The following SNRNP25 variants were observed in gnomAD, a reference collection of about 807,000 sequenced individuals.
The protein encoded by SNRNP25 is U11/U12 small nuclear ribonucleoprotein 25 kDa protein.
SNRNP25 carries 21 observed loss-of-function variants against 23.9 expected under a neutral mutation model. The observed-to-expected ratio is 0.88, with a 90% CI of 0.62 to 1.27. The LOEUF is 1.27. SNRNP25 is among the 50% of genes most tolerant of loss of function. The pLI is 0.00. For synonymous variants in SNRNP25, 63 were observed against 60.4 expected, an observed-to-expected ratio of 1.04 and a Z score of -0.20; for missense variants, 160 against 156.9, an observed-to-expected ratio of 1.02 and a Z score of -0.11.
intron 1 of SNRNP25, chr16:55,246 C>A (rs1033760977): frequency 2.0e-6 from 1 of 507,014 alleles, no homozygotes; most frequent in Non-Finnish European, 3.6e-6. Flanking sequence ...CTCTTTCCCC[C>A]AGAGACTCTG....
chr16:56,918 G>A (rs975477758), intron 4 of SNRNP25, among the ~76,000 whole-genome samples, 168 bp from the exon 5 acceptor site: 6 of 148,488 alleles, frequency 4.0e-5, no homozygotes, highest in Non-Finnish European at 5.9e-5. Context: ...CTTGTGAGTC[G>A]GAGTGCTTCT....
Position 57,205 on chromosome 16 carries a change from G to T in SNRNP25, c.*62G>T. On this transcript the variant is annotated 3_prime_UTR_variant, in exon 5 of 5. Transcript: ENST00000293861. ...CTGAGCTTTTTCCCAGCAGGAATGG[G>T]TCCTCGAATCATCGTGCCTCTTTCA... 6 of 1,545,472 alleles carry T rather than the reference G, an allele frequency of 3.9e-6. No homozygotes were observed. Among genetic ancestry groups the T allele is most frequent in the Non-Finnish European group, 5.4e-6 (6 of 1,118,452 alleles).
rs757361898 is a variant in SNRNP25, at chr16:55,792, A to G, written c.149A>G (p.Gln50Arg). 10 of 1,614,000 alleles carry G rather than the reference A, an allele frequency of 6.2e-6. No individual in the cohort carries two copies. The highest frequency in any genetic ancestry group is 8.5e-6 in the Non-Finnish European group (10 of 1,180,008). ...DGEVMPVVVV[Q>R]SATVLDLKKA... ...GTGGTTGCAGCCGTGGTTGTAGTGC[A>G]GAGTGCCACAGTCCTGGACCTGAAG... is the stretch of plus-strand genomic sequence containing the variant. The change falls in exon 3 of 5, where the codon CAG (glutamine) becomes CGG (arginine). Residue 50 changes from glutamine (Q) to arginine (R), a missense_variant. Gln to Arg is a conservative substitution (Grantham distance 43). Coordinates refer to ENST00000293861, the MANE Select transcript of SNRNP25 (RefSeq NM_024571.4).
intron 2 of SNRNP25, 60 bp downstream of exon 2, chr16:55,609 T>C (rs1897396898): frequency 6.3e-7 from 1 of 1,593,288 alleles, no homozygotes; most frequent in African/African-American, 1.3e-5. Flanking sequence ...CAGGAAGACC[T>C]AACAGTGCTG....
Position 56,569 on chromosome 16 carries a change from C to T in SNRNP25, c.270C>T (p.Thr90=). 1 of 1,614,070 alleles carries T rather than the reference C, an allele frequency of 6.2e-7. No individual in the cohort carries two copies. Among genetic ancestry groups the T allele is most frequent in the Non-Finnish European group, 8.5e-7 (1 of 1,180,032 alleles). The change falls in exon 4 of 5, where the codon ACC becomes ACT. Residue 90 remains threonine, a synonymous_variant. Coordinates refer to ENST00000293861, the MANE Select transcript of SNRNP25 (RefSeq NM_024571.4). ...ACGTGTGGAGGACGTACCATCTGAC[C>T]TCTGCAGGAGAGAAACTCACGGAAG... The part of the protein sequence containing the change: ...WSYVWRTYHL[T]SAGEKLTEDR...
At position 53,851 on chromosome 16, in the gene SNRNP25, G is replaced by T; in HGVS notation, c.-166G>T. On this transcript the variant is annotated 5_prime_UTR_variant, in exon 1 of 5. Coordinates refer to ENST00000293861, the MANE Select transcript of SNRNP25 (RefSeq NM_024571.4). ...CCGCAGTTCCTGCGCGTGCGCGCTTGGCCTCCCTAGTGCGGGCTGGCAGTG... is the reference window on the plus strand; with the variant it reads ...CCGCAGTTCCTGCGCGTGCGCGCTTTGCCTCCCTAGTGCGGGCTGGCAGTG... 1 of 1,439,300 alleles carries T rather than the reference G, an allele frequency of 6.9e-7. No homozygotes were observed. The allele number at this position is 1,439,300 out of a possible 1,614,324, so 89.2% of individuals were successfully genotyped here. A position where few individuals can be genotyped will look rare whatever the true frequency, so the allele number is the denominator to read the frequency against.
intron 3 of SNRNP25, chr16:56,267 A>G (rs747079839): frequency 1.4e-6 from 1 of 695,350 alleles, no homozygotes; most frequent in South Asian, 1.5e-5. Flanking sequence ...TCACTCTCCT[A>G]TTGGATCAAC....
intron 2 of SNRNP25, 65 bp downstream of exon 2, chr16:55,614 G>A: frequency 6.3e-7 from 1 of 1,588,384 alleles, no homozygotes; most frequent in South Asian, 1.1e-5. Flanking sequence ...AGACCTAACA[G>A]TGCTGGTCAG....
At chr16:54,116 G>C in intron 1 of SNRNP25, 58 bp downstream of exon 1, 9 of 1,546,378 alleles carry the variant, frequency 5.8e-6, no homozygotes, top group Non-Finnish European at 7.8e-6. Flanking sequence ...CGGGCATCCG[G>C]GCGCCGGCAG....
At position 53,883 on chromosome 16, in the gene SNRNP25, G is replaced by C; in HGVS notation, c.-134G>C. On this transcript the variant is annotated 5_prime_UTR_variant, in exon 1 of 5. Coordinates refer to ENST00000293861, the MANE Select transcript of SNRNP25 (RefSeq NM_024571.4). ...CTAGTGCGGGCTGGCAGTGCGGGCAGAGCCCGGCTGAGAGGGGCGGCCCTG... is the reference window on the plus strand; with the variant it reads ...CTAGTGCGGGCTGGCAGTGCGGGCACAGCCCGGCTGAGAGGGGCGGCCCTG... 2.0e-6 allele frequency: 3 copies of C among 1,495,528 alleles called. No homozygotes were observed. Among genetic ancestry groups the C allele is most frequent in the Non-Finnish European group, 1.8e-6 (2 of 1,104,942 alleles). The allele number at this position is 1,495,528 out of a possible 1,614,324, so 92.6% of individuals were successfully genotyped here. A position where few individuals can be genotyped will look rare whatever the true frequency, so the allele number is the denominator to read the frequency against.
At chr16:55,232 G>T (rs1414119312) in intron 1 of SNRNP25, 2 of 479,324 alleles carry the variant, frequency 4.2e-6, no homozygotes, top group Non-Finnish European at 7.7e-6. Flanking sequence ...CTGTTTCTTA[G>T]CACCTCTTTC....
At chr16:56,738 T>G in intron 4 of SNRNP25, 125 bp downstream of exon 4, 2 of 1,029,368 alleles carry the variant, frequency 1.9e-6, no homozygotes, top group Non-Finnish European at 2.9e-6. Context: ...GGAGCTTCCT[T>G]GGGGCCCTCC....
At chr16:54,808 C>T (rs1174060916) in intron 1 of SNRNP25, among the ~76,000 whole-genome samples, 1 of 151,796 alleles carries the variant, frequency 6.6e-6, no homozygotes, top group Non-Finnish European at 1.5e-5. Flanking sequence ...CCTCCCCCTC[C>T]CGGGTTCACT....
intron 2 of SNRNP25, 109 bp from the exon 3 acceptor site, chr16:55,668 A>AC (rs1897397493): frequency 1.3e-6 from 2 of 1,527,768 alleles, no homozygotes; most frequent in Non-Finnish European, 1.8e-6. Flanking sequence ...TACTGGGGCA[A>AC]CCACAAACCT....
chr16:55,809 G>T lies in SNRNP25; in HGVS notation c.166G>T (p.Asp56Tyr). 6.2e-7 allele frequency: 1 copy of T among 1,614,174 alleles called. No homozygotes were observed. Among genetic ancestry groups the T allele is most frequent in the Non-Finnish European group, 8.5e-7 (1 of 1,180,020 alleles). The change falls in exon 3 of 5, where the codon GAC becomes TAC. Residue 56 changes from aspartate (D) to tyrosine (Y), a missense_variant. Transcript: ENST00000293861. ...TGTAGTGCAGAGTGCCACAGTCCTG[G>T]ACCTGAAGAAGGCCATCCAGAGATA... Reference protein sequence around the residue: ...VVVVQSATVLDLKKAIQRYVQ... With the variant: ...VVVVQSATVLYLKKAIQRYVQ...
Position 56,559 on chromosome 16 carries a change from A to G in SNRNP25, c.260A>G (p.Tyr87Cys), listed in dbSNP as rs779593421. ...HISWSYVWRT[Y>C]HLTSAGEKLT... ...TGCAGGTCCTACGTGTGGAGGACGT[A>G]CCATCTGACCTCTGCAGGAGAGAAA... Residue 87 changes from tyrosine (Y) to cysteine (C), a missense_variant, in exon 4 of 5, where the codon TAC becomes TGC. By Grantham distance (194) the Tyr-to-Cys change is radical (BLOSUM62 -2). Transcript: ENST00000293861. 69 of 1,614,060 alleles carry G rather than the reference A, an allele frequency of 4.3e-5. No individual in the cohort carries two copies. The South Asian group carries it at 7.2e-4, about 17-fold the overall frequency.
chr16:56,947 C>G (rs933724092), intron 4 of SNRNP25, 139 bp from the exon 5 acceptor site: 1 of 748,096 alleles, frequency 1.3e-6, no homozygotes, highest in African/African-American at 5.3e-5. Context: ...GAGAGGATGG[C>G]CACTGCACTT....
chr16:56,875 CTCTA>C (rs1374448670), intron 4 of SNRNP25, among the ~76,000 whole-genome samples: 1 of 152,224 alleles, frequency 6.6e-6, no homozygotes, highest in African/African-American at 2.4e-5. Context: ...AAGGCTGTGA[CTCTA>C]TCTGACACTC....
chr16:55,378 C>A, intron 1 of SNRNP25, 81 bp from the exon 2 acceptor site: 2 of 1,290,776 alleles, frequency 1.5e-6, no homozygotes, highest in Non-Finnish European at 2.2e-6. Flanking sequence ...CACTTTTTGG[C>A]CACTATCGGC....
Sources: gnomAD v4.1 joint callset for allele counts (sites outside exome capture counted in the v4.1 genomes callset) on GRCh38, gnomAD v4.1.1 for gene constraint, MANE v1.5 for transcripts, NCBI Gene and HGNC (gene_info 2026-07-23, HGNC 2026-07-21) for gene names.